SLC35F1: variants seen among roughly 807,000 people sequenced by gnomAD.
SLC35F1 encodes the protein chromosome 6 open reading frame 169.
SLC35F1 carries 14 observed loss-of-function variants against 48.7 expected under a neutral mutation model. The ratio of observed to expected loss-of-function variants is 0.29; its 90% CI spans 0.19 to 0.45. SLC35F1 has a LOEUF of 0.45. Ranked by LOEUF, SLC35F1 falls within the 20% of genes least tolerant of loss-of-function variation. SLC35F1 has a pLI of 1.00. For missense variants in SLC35F1, 404 were observed against 500.0 expected, an observed-to-expected ratio of 0.81 and a Z score of 1.83; for synonymous variants, 190 against 202.2, an observed-to-expected ratio of 0.94 and a Z score of 0.51.
intron 3 of SLC35F1, among the ~76,000 whole-genome samples, chr6:118,254,991 C>G (rs1247594492): frequency 6.6e-6 from 1 of 152,164 alleles, no homozygotes; most frequent in Non-Finnish European, 1.5e-5. Context: ...GGAACACCCC[C>G]AACCAGTGAC....
intron 1 of SLC35F1, among the ~76,000 whole-genome samples, chr6:118,101,100 C>A (rs537922191): frequency 1.3e-5 from 2 of 151,812 alleles, no homozygotes; most frequent in African/African-American, 4.8e-5. Flanking sequence ...AGGTCAGCAG[C>A]TCTATTTCTG....
At chr6:118,035,140 C>A (rs1414234531) in intron 1 of SLC35F1, among the ~76,000 whole-genome samples, 1 of 152,098 alleles carries the variant, frequency 6.6e-6, no homozygotes, top group African/African-American at 2.4e-5. Context: ...TTGTCTGTTG[C>A]ATCTCAGTTA....
intron 2 of SLC35F1, among the ~76,000 whole-genome samples, chr6:118,200,562 C>G (rs1436764834): frequency 6.6e-6 from 1 of 152,136 alleles, no homozygotes; most frequent in Non-Finnish European, 1.5e-5. Flanking sequence ...CAAGTCTAAT[C>G]AAGACCTAAT....
intron 1 of SLC35F1, among the ~76,000 whole-genome samples, chr6:117,932,044 G>A (rs930095616): frequency 1.3e-5 from 2 of 152,148 alleles, no homozygotes; most frequent in African/African-American, 4.8e-5. Flanking sequence ...TGGCATTGAT[G>A]CCTTTATAAA....
At chr6:118,303,468 A>G (rs139922650) in intron 7 of SLC35F1, among the ~76,000 whole-genome samples, 1 of 152,316 alleles carries the variant, frequency 6.6e-6, no homozygotes, top group East Asian at 1.9e-4. Flanking sequence ...GGCACTGTGT[A>G]AGCTGTCACT....
intron 2 of SLC35F1, among the ~76,000 whole-genome samples, chr6:118,163,475 T>C (rs1774271044): frequency 6.6e-6 from 1 of 151,890 alleles, no homozygotes; most frequent in African/African-American, 2.4e-5. Flanking sequence ...CATTGCTTCA[T>C]TCCCCCATGC....
At chr6:118,087,875 T>A (rs748292171) in intron 1 of SLC35F1, among the ~76,000 whole-genome samples, 16 of 152,202 alleles carry the variant, frequency 1.1e-4, no homozygotes, top group Non-Finnish European at 2.2e-4. Context: ...TTAGAAACAT[T>A]TTGTTATCAT....
chr6:118,128,659 T>C (rs1256914581), intron 1 of SLC35F1, among the ~76,000 whole-genome samples: 2 of 151,480 alleles, frequency 1.3e-5, no homozygotes, highest in East Asian at 3.9e-4. Flanking sequence ...CAGGGACTGT[T>C]GTGGGGTGGG....
intron 1 of SLC35F1, among the ~76,000 whole-genome samples, chr6:118,053,430 T>C (rs1772419099): frequency 6.6e-6 from 1 of 152,102 alleles, no homozygotes; most frequent in Non-Finnish European, 1.5e-5. Context: ...AAAAATCTTA[T>C]CTCCAATAAT....
intron 1 of SLC35F1, among the ~76,000 whole-genome samples, chr6:118,126,440 C>T (rs1773625894): frequency 6.6e-6 from 1 of 152,130 alleles, no homozygotes; most frequent in Non-Finnish European, 1.5e-5. Context: ...GTTCTTTTGG[C>T]TTAGGATTGA....
chr6:117,982,165 G>A (rs753762499), intron 1 of SLC35F1, among the ~76,000 whole-genome samples: 1 of 151,996 alleles, frequency 6.6e-6, no homozygotes, highest in Non-Finnish European at 1.5e-5. Flanking sequence ...AAATAAATTA[G>A]CCTTTCTTTA....
chr6:118,195,655 C>T (rs1774791032), intron 2 of SLC35F1, among the ~76,000 whole-genome samples: 1 of 152,148 alleles, frequency 6.6e-6, no homozygotes, highest in African/African-American at 2.4e-5. Context: ...ATGTAAGAGG[C>T]CTCTAACTGG....
chr6:118,082,106 A>G (rs1772918982), intron 1 of SLC35F1, among the ~76,000 whole-genome samples: 1 of 152,252 alleles, frequency 6.6e-6, no homozygotes, highest in Admixed American at 6.5e-5. Context: ...TGAAATGCTT[A>G]CATAGCTTTT....
chr6:118,179,170 A>G (rs1355312103), intron 2 of SLC35F1, among the ~76,000 whole-genome samples: 3 of 152,080 alleles, frequency 2.0e-5, no homozygotes, highest in Non-Finnish European at 4.4e-5. Flanking sequence ...GAGAAACAGA[A>G]CCAATAAGAG....
chr6:117,964,219 T>A (rs943922896), intron 1 of SLC35F1, among the ~76,000 whole-genome samples: 3 of 152,256 alleles, frequency 2.0e-5, no homozygotes, highest in African/African-American at 7.2e-5. Context: ...TTCTCCAGTC[T>A]ATCATTGATG....
intron 1 of SLC35F1, among the ~76,000 whole-genome samples, chr6:118,017,659 C>G (rs9374699): frequency 0.99 from 151,442 of 152,308 alleles, 75,298 homozygotes; most frequent in Middle Eastern, 1. Context: ...ATAGCTCCAG[C>G]GTATTATTTC....
chr6:118,249,215 TG>T (rs1349418604), intron 3 of SLC35F1, among the ~76,000 whole-genome samples: 1 of 152,248 alleles, frequency 6.6e-6, no homozygotes, highest in Non-Finnish European at 1.5e-5. Flanking sequence ...ACTTATCTTC[TG>T]AGAGCCTTCT....
At chr6:118,125,378 G>GA (rs938012859) in intron 1 of SLC35F1, among the ~76,000 whole-genome samples, 2 of 52,338 alleles carry the variant, frequency 3.8e-5, no homozygotes, top group African/African-American at 5.5e-5. Context: ...TGGTATTTTG[G>GA]GGGGGGGGAT....
chr6:118,281,763 G>C (rs1372582409), intron 6 of SLC35F1, among the ~76,000 whole-genome samples: 2 of 152,098 alleles, frequency 1.3e-5, no homozygotes, highest in African/African-American at 4.8e-5. Context: ...TCACCCATTT[G>C]AACACCTTTG....
Sources: allele counts gnomAD v4.1 joint callset (sites outside exome capture counted in the v4.1 genomes callset), GRCh38; gene constraint gnomAD v4.1.1; transcripts MANE v1.5; gene names NCBI Gene and HGNC (gene_info 2026-07-23, HGNC 2026-07-21).